Variants in ANKRD18A observed in about 807,000 individuals in gnomAD.
ANKRD18A encodes the protein ankyrin repeat domain 18A.
ANKRD18A carries 72 observed loss-of-function variants against 110.6 expected under a neutral mutation model. The observed-to-expected ratio is 0.65, with a 90% CI of 0.54 to 0.79. ANKRD18A has a LOEUF of 0.79. Ranked by LOEUF, ANKRD18A falls within the 30% of genes least tolerant of loss-of-function variation. The pLI, the probability that ANKRD18A is intolerant of heterozygous loss-of-function variation, is 0.00. For missense variants in ANKRD18A, 934 were observed against 1,163.3 expected (o/e 0.80, Z 2.87); for synonymous variants, 305 against 410.3 (o/e 0.74, Z 3.10).
At chr9:38,602,568 C>T (rs1454857251) in intron 7 of ANKRD18A, among the ~76,000 whole-genome samples, 1 of 152,174 alleles carries the variant, frequency 6.6e-6, no homozygotes, top group African/African-American at 2.4e-5. Context: ...TATAAACCAA[C>T]TATTATTGTC....
intron 14 of ANKRD18A, among the ~76,000 whole-genome samples, chr9:38,576,633 C>T (rs1823907260): frequency 6.6e-6 from 1 of 152,016 alleles, no homozygotes; most frequent in Non-Finnish European, 1.5e-5. Flanking sequence ...CAGGATGTGC[C>T]CAGAGTAGCA....
chr9:38,600,325 GATTA>G (rs1189824899), intron 8 of ANKRD18A, among the ~76,000 whole-genome samples: 4 of 152,048 alleles, frequency 2.6e-5, no homozygotes, highest in Admixed American at 6.5e-5. Flanking sequence ...ATATTTCTAG[GATTA>G]ATTAAAGAGT....
downstream of ANKRD18A, chr9:38,568,895 T>C (rs958925495): frequency 4.3e-5 from 42 of 985,322 alleles, no homozygotes; most frequent in Admixed American, 6.1e-5. Flanking sequence ...AGGGGGCCTC[T>C]GTCCCACAGG....
At chr9:38,586,747 T>A (rs1412604924) in intron 11 of ANKRD18A, among the ~76,000 whole-genome samples, 1 of 152,052 alleles carries the variant, frequency 6.6e-6, no homozygotes, top group East Asian at 1.9e-4. Context: ...GTATTTTTAG[T>A]AGAGATGGGG....
rs1283212958 is a variant in ANKRD18A at position 38,578,016 on chromosome 9, C to T, written c.2380G>A (p.Asp794Asn). Residue 794 changes from aspartate (D) to asparagine (N), a missense_variant, in exon 13 of 16, where the codon GAT (aspartate) becomes AAT (asparagine). This residue lies in a region of ANKRD18A where 223 missense variants were observed against 226.7 expected (regional missense o/e 0.98). Transcript: ENST00000399703. ...VQEKCEKLEK[D>N]KKMLEEEVLN... is the part of the protein sequence containing the mutation. ...ACTTCTTCTTCCAACATCTTTTTAT[C>T]CTTCTCAAGTTTTTCACATTTCTCT... 6.4e-6 allele frequency: 10 copies of T among 1,555,582 alleles called. No homozygotes were observed. Among genetic ancestry groups the T allele is most frequent in the Non-Finnish European group, 8.7e-6 (10 of 1,148,172 alleles).
chr9:38,607,389 C>T (rs1189147307), intron 6 of ANKRD18A, 37 bp downstream of exon 6: 73 of 1,440,124 alleles, frequency 5.1e-5, no homozygotes, highest in South Asian at 6.7e-5. Context: ...AGTAAGATCA[C>T]CAAGGGAAAT....
At chr9:38,581,993 A>G (rs149307151) in intron 12 of ANKRD18A, among the ~76,000 whole-genome samples, 184 of 148,358 alleles carry the variant, frequency 1.2e-3, no homozygotes, top group Middle Eastern at 6.8e-3. Flanking sequence ...TGCACCAAGA[A>G]AAGGATTAGC....
intron 5 of ANKRD18A, among the ~76,000 whole-genome samples, chr9:38,609,142 G>C (rs562360526): frequency 1.3e-5 from 2 of 152,286 alleles, no homozygotes; most frequent in African/African-American, 2.4e-5. Context: ...CCAGAGCAGG[G>C]TGCTGGGAAC....
chr9:38,614,804 T>C (rs919022269), intron 3 of ANKRD18A, among the ~76,000 whole-genome samples: 7 of 152,200 alleles, frequency 4.6e-5, no homozygotes, highest in Admixed American at 3.9e-4. Flanking sequence ...CATCAAGATA[T>C]TCTAGATTTG....
At chr9:38,569,976 C>A (rs1219899438), downstream of ANKRD18A, among the ~76,000 whole-genome samples, 1 of 152,186 alleles carries the variant, frequency 6.6e-6, no homozygotes, top group Non-Finnish European at 1.5e-5. Context: ...TCCAGCCACC[C>A]TCCAGGGTGC....
intron 9 of ANKRD18A, among the ~76,000 whole-genome samples, chr9:38,594,113 T>C (rs745742991): frequency 2.1e-4 from 32 of 152,200 alleles, no homozygotes; most frequent in Non-Finnish European, 4.3e-4. Flanking sequence ...TGGTATTCTC[T>C]TACATGACAG....
chr9:38,601,392 G>A (rs1408935842), intron 7 of ANKRD18A, among the ~76,000 whole-genome samples, 188 bp from the exon 8 acceptor site: 4 of 151,992 alleles, frequency 2.6e-5, no homozygotes, highest in African/African-American at 7.3e-5. Context: ...TTGGGGAGAC[G>A]CTAGATATCA....
intron 12 of ANKRD18A, among the ~76,000 whole-genome samples, chr9:38,583,393 A>AT (rs1417942168): frequency 3.3e-5 from 5 of 151,846 alleles, no homozygotes; most frequent in South Asian, 4.2e-4. Context: ...TTATTACTAT[A>AT]TTTTTTTTGA....
chr9:38,619,050 T>C (rs1300092488), intron 1 of ANKRD18A, among the ~76,000 whole-genome samples: 2 of 151,536 alleles, frequency 1.3e-5, no homozygotes, highest in Admixed American at 1.3e-4. Context: ...GAGTGTGTTA[T>C]CTTTTGTTAA....
At chr9:38,608,383 C>T (rs564323933) in intron 5 of ANKRD18A, among the ~76,000 whole-genome samples, 7 of 152,028 alleles carry the variant, frequency 4.6e-5, no homozygotes, top group African/African-American at 1.7e-4. Flanking sequence ...GTTCCAGATG[C>T]AAGTTGATGT....
At position 38,620,082 on chromosome 9, in the gene ANKRD18A, G is replaced by A. The variant is rs1311503181; in HGVS notation, c.204C>T (p.Asp68=). The A allele has an allele frequency of 2.6e-6, 4 of 1,551,580 alleles. No individual in the cohort carries two copies. The South Asian group carries it at 3.6e-5, about 14-fold the overall frequency. Residue 68 remains aspartate (D), a splice_region_variant and synonymous_variant, in exon 1 of 16, where the codon GAC becomes GAT. Coordinates refer to ENST00000399703, the MANE Select transcript of ANKRD18A (RefSeq NM_147195.4). The part of the protein sequence containing the change: ...FRDLDARDRK[D]RTVLHLACAH... ...CGCGGGCTGAGTCCCCGAGCTACCT[G>A]TCTTTTCTGTCGCGGGCGTCCAAGT...
At chr9:38,617,216 T>C (rs1587550891) in intron 1 of ANKRD18A, among the ~76,000 whole-genome samples, 1 of 152,062 alleles carries the variant, frequency 6.6e-6, no homozygotes, top group South Asian at 2.1e-4. Context: ...CCGAGGCAGG[T>C]GGATCTCTAG....
Position 38,612,521 on chromosome 9 carries a change from C to CTTTTTTTTTTTTTT in ANKRD18A, c.496-1201_496-1200insAAAAAAAAAAAAAA, listed in dbSNP as rs767816627. Among the ~76,000 whole-genome samples the CTTTTTTTTTTTTTT allele has an allele frequency of 1.3e-3, 162 of 124,236 alleles. 2 individuals carry two copies. The highest frequency in any genetic ancestry group is 2.7e-3 in the East Asian group (12 of 4,526). The allele number at this position is 124,236 out of a possible 152,430, so 81.5% of individuals were successfully genotyped here. A position where few individuals can be genotyped will look rare whatever the true frequency, so the allele number is the denominator to read the frequency against. On this transcript the variant is annotated intron_variant, in intron 3 of 15. Transcript: ENST00000399703. Reference sequence around the variant, plus strand: ...AAGTCACTTGCATTTTTTTCTTTTTCTTTTTTTTTTTTTGGAAATGGGGTC... The same window carrying CTTTTTTTTTTTTTT: ...AAGTCACTTGCATTTTTTTCTTTTTCTTTTTTTTTTTTTTTTTTTTTTTTTTTGGAAATGGGGTC...
At chr9:38,616,788 A>T (rs1211769230) in intron 1 of ANKRD18A, among the ~76,000 whole-genome samples, 1 of 152,204 alleles carries the variant, frequency 6.6e-6, no homozygotes, top group Non-Finnish European at 1.5e-5. Context: ...TATTTAACAA[A>T]AATATTTTAA....
Sources: allele counts gnomAD v4.1 joint callset (sites outside exome capture counted in the v4.1 genomes callset), GRCh38; gene constraint gnomAD v4.1.1; regional missense constraint gnomAD v4.1.1; transcripts MANE v1.5; gene names NCBI Gene and HGNC (gene_info 2026-07-23, HGNC 2026-07-21).